VRK3: variants seen among roughly 807,000 people sequenced by gnomAD.
VRK3 encodes the protein serine/threonine-protein kinase VRK3.
VRK3 carries 50 observed loss-of-function variants against 60.4 expected under a neutral mutation model. The ratio of observed to expected loss-of-function variants is 0.83; its 90% CI spans 0.66 to 1.05. The LOEUF (loss-of-function observed/expected upper bound fraction) is 1.05. Among genes scored for constraint, VRK3 ranks in the 50% least tolerant of loss-of-function variants. The pLI is 0.00. For missense variants in VRK3, 549 were observed against 585.3 expected (o/e 0.94, Z 0.64); for synonymous variants, 246 against 227.8 (o/e 1.08, Z -0.72).
At chr19:50,008,546 T>C (rs1348657676) in intron 4 of VRK3, among the ~76,000 whole-genome samples, 2 of 152,130 alleles carry the variant, frequency 1.3e-5, no homozygotes, top group Admixed American at 6.6e-5. Flanking sequence ...AGAAGGAACA[T>C]AGTCCTCAGG....
intron 4 of VRK3, among the ~76,000 whole-genome samples, chr19:50,008,337 A>G (rs1282921240): frequency 6.6e-6 from 1 of 152,190 alleles, no homozygotes; most frequent in Non-Finnish European, 1.5e-5. Context: ...CTAGCCTGGC[A>G]AGAGAATGGG....
intron 2 of VRK3, among the ~76,000 whole-genome samples, chr19:50,016,624 GTTTA>G (rs969909691): frequency 6.6e-6 from 1 of 152,150 alleles, no homozygotes; most frequent in Non-Finnish European, 1.5e-5. Context: ...AGATTTCAGG[GTTTA>G]TTTGTCATGG....
intron 10 of VRK3, among the ~76,000 whole-genome samples, chr19:49,991,636 C>T (rs143967370): frequency 6.6e-6 from 1 of 152,320 alleles, no homozygotes; most frequent in Non-Finnish European, 1.5e-5. Flanking sequence ...TCTCAGTCCA[C>T]GCAGTTCAGG....
At chr19:49,982,329 CTGTT>C in intron 12 of VRK3, 1 of 651,624 alleles carries the variant, frequency 1.5e-6, no homozygotes. Flanking sequence ...TGCTAGGTGG[CTGTT>C]TGATTTTTTG....
At chr19:49,990,700 G>T (rs974027398) in intron 10 of VRK3, among the ~76,000 whole-genome samples, 5 of 151,312 alleles carry the variant, frequency 3.3e-5, no homozygotes, top group Non-Finnish European at 5.9e-5. Flanking sequence ...GACAACTGTT[G>T]GTTTTGTCTA....
At position 49,976,692 on chromosome 19, in the gene VRK3, C is replaced by T. The variant is rs1447042274; in HGVS notation, c.*104G>A. 3 of 152,502 alleles carry T rather than the reference C, an allele frequency of 2.0e-5. No individual in the cohort carries two copies. The highest frequency in any genetic ancestry group is 2.9e-5 in the Non-Finnish European group (2 of 68,046). 9.4% of individuals were successfully genotyped at this position (152,502 alleles called of 1,614,324 possible). Reference sequence around the variant, plus strand: ...AGTGGCAGGAATGCACATTCCAGGGCTTGTTCTAGAAGCTTATCTGTGATT... The same window carrying T: ...AGTGGCAGGAATGCACATTCCAGGGTTTGTTCTAGAAGCTTATCTGTGATT... On this transcript the variant is annotated 3_prime_UTR_variant, in exon 15 of 15. Transcript: ENST00000316763.
At chr19:49,989,523 G>A (rs2076573482) in intron 11 of VRK3, 116 bp downstream of exon 11, 2 of 1,372,446 alleles carry the variant, frequency 1.5e-6, no homozygotes, top group Non-Finnish European at 9.7e-7. Flanking sequence ...CCCTGTCCTG[G>A]CGCCCTTAGT....
chr19:50,004,803 G>A (rs890587598), intron 5 of VRK3, among the ~76,000 whole-genome samples: 7 of 152,032 alleles, frequency 4.6e-5, no homozygotes, highest in African/African-American at 1.2e-4. Context: ...CAAGCTACTC[G>A]GGAGGCTGAG....
chr19:49,991,129 A>T (rs80202648), intron 10 of VRK3, among the ~76,000 whole-genome samples: 7,438 of 152,196 alleles, frequency 0.049, 220 homozygotes, highest in Middle Eastern at 0.1. Context: ...TGACTGGGCC[A>T]TGGGGTGCCC....
chr19:49,996,486 A>C (rs982900813), intron 7 of VRK3, among the ~76,000 whole-genome samples: 1 of 152,248 alleles, frequency 6.6e-6, no homozygotes, highest in Admixed American at 6.5e-5. Flanking sequence ...TTCTCACCAC[A>C]CAGAGACAAT....
chr19:49,997,891 G>A (rs952997890), intron 6 of VRK3: 3 of 209,604 alleles, frequency 1.4e-5, no homozygotes, highest in African/African-American at 6.9e-5. Flanking sequence ...CAATGAGGAT[G>A]TGAGCAGAAG....
rs1359848534 is a variant in VRK3, at chr19:50,005,699, G to T, written c.547+1870C>A. On this transcript the variant is annotated intron_variant, in intron 5 of 14. Coordinates refer to ENST00000316763, the MANE Select transcript of VRK3 (RefSeq NM_016440.4). ...AGAATATCACGCAGCCATAAAAGGA[G>T]TGCGGCAGTGACGCGCCACAGCATG... 3.3e-5 allele frequency among the ~76,000 whole-genome samples: 5 copies of T among 149,838 alleles called. 1 individual carries two copies. Among genetic ancestry groups the T allele is most frequent in the African/African-American group, 1.3e-4 (5 of 39,108 alleles).
intron 5 of VRK3, 76 bp downstream of exon 5, chr19:50,007,493 T>C (rs571211657): frequency 1.3e-5 from 20 of 1,584,134 alleles, no homozygotes; most frequent in Non-Finnish European, 1.7e-5. Flanking sequence ...CCATTCCCAT[T>C]CTCAGAACGG....
At chr19:49,993,336 A>C (rs2076644694) in intron 9 of VRK3, among the ~76,000 whole-genome samples, 1 of 152,162 alleles carries the variant, frequency 6.6e-6, no homozygotes, top group African/African-American at 2.4e-5. Flanking sequence ...CTTGTTAAGC[A>C]ATTTATATCT....
chr19:49,980,912 C>G (rs781055855), intron 13 of VRK3, 43 bp downstream of exon 13: 1 of 1,578,052 alleles, frequency 6.3e-7, no homozygotes, highest in South Asian at 1.1e-5. Context: ...GCCACCAGGT[C>G]CTGCCCGAGT....
At chr19:50,012,423 G>A (rs542201085) in intron 3 of VRK3, among the ~76,000 whole-genome samples, 1 of 152,232 alleles carries the variant, frequency 6.6e-6, no homozygotes, top group Middle Eastern at 3.4e-3. Context: ...TTTATTCAAT[G>A]TCTGTTGTCT....
intron 5 of VRK3, among the ~76,000 whole-genome samples, chr19:50,007,036 C>T (rs947970185): frequency 1.3e-5 from 2 of 152,164 alleles, no homozygotes; most frequent in African/African-American, 4.8e-5. Context: ...GATGAAACAC[C>T]TGACCAGTCT....
chr19:49,979,138 G>T lies in VRK3; in HGVS notation c.1381C>A (p.Arg461Ser). The change falls in exon 14 of 15, where the codon CGT (arginine) becomes AGT (serine). Residue 461 changes from arginine to serine, a missense_variant. Arg to Ser is a moderately radical substitution (Grantham distance 110). Coordinates refer to ENST00000316763, the MANE Select transcript of VRK3 (RefSeq NM_016440.4). ...NNLEALLQDLRVSPYDPIGLP... is the reference protein window; with the variant it reads ...NNLEALLQDLSVSPYDPIGLP... Reference sequence around the variant, plus strand: ...CCAATGGGGTCATATGGAGACACACGCAGATCCTGCAGCAAAGCTTCTAGG... The same window carrying T: ...CCAATGGGGTCATATGGAGACACACTCAGATCCTGCAGCAAAGCTTCTAGG... 6.2e-7 allele frequency: 1 copy of T among 1,613,948 alleles called. No individual in the cohort carries two copies. Among genetic ancestry groups the T allele is most frequent in the South Asian group, 1.1e-5 (1 of 91,076 alleles).
At chr19:50,018,848 T>C (rs1192334588) in intron 2 of VRK3, among the ~76,000 whole-genome samples, 1 of 151,998 alleles carries the variant, frequency 6.6e-6, no homozygotes, top group African/African-American at 2.4e-5. Flanking sequence ...TATATACACC[T>C]ACTATGTACC....
Sources: allele counts gnomAD v4.1 joint callset (sites outside exome capture counted in the v4.1 genomes callset), GRCh38; gene constraint gnomAD v4.1.1; transcripts MANE v1.5; gene names NCBI Gene and HGNC (gene_info 2026-07-23, HGNC 2026-07-21).